Variants in LRRK2 observed in about 807,000 individuals in gnomAD.
LRRK2 encodes leucine-rich repeat serine/threonine-protein kinase 2.
LRRK2 carries 203 observed loss-of-function variants against 302.6 expected under a neutral mutation model. The ratio of observed to expected loss-of-function variants is 0.67; its 90% confidence interval spans 0.60 to 0.75. The LOEUF is 0.75. Among genes scored for constraint, LRRK2 ranks in the 30% least tolerant of loss-of-function variants. The pLI is 0.00. For missense variants in LRRK2, 2,830 were observed against 2,951.0 expected (o/e 0.96, Z 0.95); for synonymous variants, 1,066 against 1,031.9 (o/e 1.03, Z -0.63).
chr12:40,226,481 G>A (rs550726497), intron 2 of LRRK2, among the ~76,000 whole-genome samples: 10 of 152,276 alleles, frequency 6.6e-5, no homozygotes, highest in Admixed American at 2.0e-4. Flanking sequence ...GTTTCTTAAT[G>A]GTTGAGAGGC....
rs770183014 is a variant in LRRK2 at position 40,274,961 on chromosome 12, C to A, written c.1909C>A (p.Arg637=). The change falls in exon 16 of 51, where the codon CGA becomes AGA. Residue 637 remains arginine (R), a synonymous_variant. Transcript: ENST00000298910. ...AAAAATTCTGGTTTCCAGCTTATAC[C>A]GATTTAAGGATGTTGCTGAAATACA... The part of the protein sequence containing the change: ...LAKILVSSLY[R]FKDVAEIQTK... 6.2e-6 allele frequency: 10 copies of A among 1,613,694 alleles called. No individual in the cohort carries two copies. The Admixed American group carries it at 1.5e-4, about 24-fold the overall frequency.
chr12:40,286,049 T>C (rs560265413), intron 19 of LRRK2, among the ~76,000 whole-genome samples: 1 of 152,104 alleles, frequency 6.6e-6, no homozygotes, highest in Admixed American at 6.6e-5. Flanking sequence ...AGAGGAATTG[T>C]GGGCCCATTG....
At chr12:40,246,325 T>C (rs1331596000) in intron 7 of LRRK2, among the ~76,000 whole-genome samples, 1 of 152,040 alleles carries the variant, frequency 6.6e-6, no homozygotes, top group Non-Finnish European at 1.5e-5. Context: ...TAAGCTACTG[T>C]GCACTTCCTG....
intron 49 of LRRK2, 46 bp from the exon 50 acceptor site, chr12:40,366,959 TA>T (rs869280900): frequency 7.0e-7 from 1 of 1,432,272 alleles, no homozygotes; most frequent in South Asian, 1.2e-5. Flanking sequence ...CAGGCCAGTT[TA>T]ATATATAGTT....
chr12:40,343,156 A>G (rs951851790), intron 41 of LRRK2, among the ~76,000 whole-genome samples: 1 of 152,212 alleles, frequency 6.6e-6, no homozygotes, highest in African/African-American at 2.4e-5. Flanking sequence ...AAACAATGCA[A>G]TTATTGACAG....
intron 45 of LRRK2, 22 bp downstream of exon 45, chr12:40,354,514 A>G: frequency 6.3e-7 from 1 of 1,596,044 alleles, no homozygotes; most frequent in Non-Finnish European, 8.6e-7. Flanking sequence ...AATTTGATCA[A>G]TGGGGAAATT....
rs954283175 is a variant in LRRK2, at chr12:40,299,229, G to C, written c.3468G>C (p.Glu1156Asp). The C allele has an allele frequency of 6.2e-7, 1 of 1,613,326 alleles. No homozygotes were observed. Among genetic ancestry groups the C allele is most frequent in the East Asian group, 2.2e-5 (1 of 44,800 alleles). Residue 1156 changes from glutamate to aspartate, a missense_variant, in exon 25 of 51, where the codon GAG becomes GAC. Glu to Asp is a conservative substitution (Grantham distance 45, BLOSUM62 2). Transcript: ENST00000298910. Reference protein sequence around the residue: ...ENFLEACPKVESFSARMNFLA... With the variant: ...ENFLEACPKVDSFSARMNFLA... ...TTCTTGAGGCTTGTCCTAAAGTGGA[G>C]AGTTTCAGTGCCAGAATGAATTTTC...
At chr12:40,367,198 G>T (rs1365816187) in intron 50 of LRRK2, 121 bp downstream of exon 50, 1 of 826,324 alleles carries the variant, frequency 1.2e-6, no homozygotes. Context: ...ATTTTAATTG[G>T]TAGTTTATAG....
At chr12:40,316,293 A>G (rs1945217592) in intron 33 of LRRK2, 1 of 984,472 alleles carries the variant, frequency 1.0e-6, no homozygotes, top group Non-Finnish European at 1.2e-6. Context: ...AAAGGAAGCT[A>G]TTGTGAAGAG....
chr12:40,285,830 G>A (rs1472785269), intron 19 of LRRK2, among the ~76,000 whole-genome samples: 4 of 151,980 alleles, frequency 2.6e-5, no homozygotes, highest in Admixed American at 6.6e-5. Flanking sequence ...GGCACAGACA[G>A]TGTTTTTACT....
rs1466690781 is a variant in LRRK2 at position 40,257,368 on chromosome 12, T to C, written c.1409T>C (p.Phe470Ser). 6.2e-7 allele frequency: 1 copy of C among 1,612,596 alleles called. No homozygotes were observed. The highest frequency in any genetic ancestry group is 1.3e-5 in the African/African-American group (1 of 74,860). The change falls in exon 12 of 51, where the codon TTT becomes TCT. Residue 470 changes from phenylalanine to serine, a missense_variant. Coordinates refer to ENST00000298910, the MANE Select transcript of LRRK2 (RefSeq NM_198578.4). ...ESGCKMLNHL[F>S]EGSNTSLDIM... ...GGCTGTAAAATGCTAAATCATCTTT[T>C]TGAAGGAAGGTAATATAGATTCATT...
chr12:40,322,547 A>G (rs1302574814), intron 37 of LRRK2, 37 bp downstream of exon 37: 1 of 1,539,824 alleles, frequency 6.5e-7, no homozygotes. Context: ...CTTTTAAGTG[A>G]TCCTTCAATA....
chr12:40,347,838 G>C (rs757949250), intron 42 of LRRK2, among the ~76,000 whole-genome samples: 2 of 151,972 alleles, frequency 1.3e-5, no homozygotes, highest in African/African-American at 4.8e-5. Context: ...TGGCATGTGC[G>C]TGTAGTCCCA....
intron 2 of LRRK2, among the ~76,000 whole-genome samples, chr12:40,226,298 G>A (rs561478564): frequency 6.6e-6 from 1 of 152,258 alleles, no homozygotes; most frequent in South Asian, 2.1e-4. Flanking sequence ...CCTTAAAAAT[G>A]GTAATTAAGA....
At chr12:40,286,748 C>A (rs750461957) in intron 19 of LRRK2, 1 of 154,240 alleles carries the variant, frequency 6.5e-6, no homozygotes, top group Admixed American at 6.4e-5. Flanking sequence ...AATGAGGACT[C>A]AGCCAACTTA....
intron 14 of LRRK2, among the ~76,000 whole-genome samples, chr12:40,271,326 G>A (rs1943225472): frequency 6.6e-6 from 1 of 152,114 alleles, no homozygotes. Flanking sequence ...CAAATTATCT[G>A]GGAATGCGAG....
At chr12:40,248,410 G>A (rs1460298459) in intron 7 of LRRK2, among the ~76,000 whole-genome samples, 1 of 152,078 alleles carries the variant, frequency 6.6e-6, no homozygotes, top group Non-Finnish European at 1.5e-5. Context: ...TGTAACTTTT[G>A]TATTATTCTG....
At chr12:40,345,680 A>G (rs1380957721) in intron 41 of LRRK2, among the ~76,000 whole-genome samples, 2 of 151,160 alleles carry the variant, frequency 1.3e-5, no homozygotes, top group African/African-American at 2.4e-5. Flanking sequence ...ATTCATACTC[A>G]TATACCCGAC....
In LRRK2 at chr12:40,351,636, A is replaced by G; in HGVS notation, c.6479A>G (p.His2160Arg). The G allele has an allele frequency of 6.2e-7, 1 of 1,614,234 alleles. No homozygotes were observed. Among genetic ancestry groups the G allele is most frequent in the African/African-American group, 1.3e-5 (1 of 75,060 alleles). Residue 2160 changes from histidine to arginine, a missense_variant, in exon 44 of 51, where the codon CAC (histidine) becomes CGC (arginine). Coordinates refer to ENST00000298910, the MANE Select transcript of LRRK2 (RefSeq NM_198578.4). ...GTTGAATGCATGGTTGCTACACATC[A>G]CAACAGCAGGAATGCAAGCATTTGG... ...VIVECMVATH[H>R]NSRNASIWLG... is the part of the protein sequence containing the mutation.
Sources: allele counts gnomAD v4.1 joint callset (sites outside exome capture counted in the v4.1 genomes callset), GRCh38; gene constraint gnomAD v4.1.1; transcripts MANE v1.5; gene names NCBI Gene and HGNC (gene_info 2026-07-23, HGNC 2026-07-21).